Variants in SLC16A14 observed in about 807,000 individuals in gnomAD.
The protein encoded by SLC16A14 is monocarboxylate transporter 14.
A neutral mutation model predicts 35.8 loss-of-function variants in SLC16A14; 14 were observed. The observed-to-expected ratio is 0.39, with a 90% CI of 0.26 to 0.61. The LOEUF (loss-of-function observed/expected upper bound fraction) is 0.61, where lower values mean the gene tolerates loss of function less well. Ranked by LOEUF, SLC16A14 falls within the 20% of genes least tolerant of loss-of-function variation. The probability of loss-of-function intolerance (pLI) is 0.51; values close to 1 mark genes in which losing one functional copy is unlikely to be tolerated. For missense variants in SLC16A14, 533 were observed against 655.0 expected (o/e 0.81, Z 2.03); for synonymous variants, 248 against 258.9 (o/e 0.96, Z 0.40).
Position 230,046,523 on chromosome 2 carries a change from G to C in SLC16A14, c.603C>G (p.Asn201Lys). The C allele has an allele frequency of 6.2e-7, 1 of 1,614,208 alleles. No individual in the cohort carries two copies. ...AMLIQGAVSL[N>K]LCVCGALMRP... is the part of the protein sequence containing the mutation. Reference sequence around the variant, plus strand: ...TCATGAGCGCCCCACAAACACACAGGTTTAGGGAAACGGCACCTTGGATCA... The same window carrying C: ...TCATGAGCGCCCCACAAACACACAGCTTTAGGGAAACGGCACCTTGGATCA... Residue 201 changes from asparagine (N) to lysine (K), a missense_variant, in exon 4 of 5, where the codon AAC becomes AAG. Physicochemically the swap from Asn to Lys is moderately conservative, Grantham distance 94. Transcript: ENST00000295190. The surrounding 1 kb of genome is among the most constrained non-coding windows in gnomAD (Gnocchi z 5.0).
chr2:230,049,282 G>T (rs1211308036), intron 3 of SLC16A14, among the ~76,000 whole-genome samples: 1 of 145,284 alleles, frequency 6.9e-6, no homozygotes, highest in African/African-American at 2.5e-5. Flanking sequence ...GTTTCACCAT[G>T]TTGGCCAGGC....
chr2:230,056,911 T>C (rs1026294896), intron 2 of SLC16A14, among the ~76,000 whole-genome samples: 2 of 145,654 alleles, frequency 1.4e-5, no homozygotes, highest in Non-Finnish European at 3.0e-5. Flanking sequence ...AAGAGTTGAA[T>C]GCCAGCCAAG....
intron 2 of SLC16A14, among the ~76,000 whole-genome samples, chr2:230,052,058 T>A (rs534714481): frequency 6.6e-6 from 1 of 151,924 alleles, no homozygotes; most frequent in East Asian, 1.9e-4. Context: ...TGCCTCAGCC[T>A]CCCGTGTAGC....
rs2106237055 is a variant in SLC16A14 at position 230,037,400 on chromosome 2, T to C, written c.1513A>G (p.Met505Val). The C allele has an allele frequency of 3.7e-6, 6 of 1,608,748 alleles. No individual in the cohort carries two copies. The highest frequency in any genetic ancestry group is 4.2e-6 in the Non-Finnish European group (5 of 1,178,620). The change falls in exon 5 of 5, where the codon ATG becomes GTG. Residue 505 changes from methionine (M) to valine (V), a missense_variant. Coordinates refer to ENST00000295190, the MANE Select transcript of SLC16A14 (RefSeq NM_152527.5). ...RIIEQSRRKY[M>V]DGAHV is the part of the protein sequence containing the mutation. ...TGATACTAAACATGTGCACCATCCA[T>C]GTATTTTCTTCTGGATTGTTCTATA...
Position 230,067,556 on chromosome 2 carries a change from CTCT to C in SLC16A14, c.-15+996_-15+998del, listed in dbSNP as rs1560485363. Among the ~76,000 whole-genome samples the C allele has an allele frequency of 2.5e-3, 378 of 148,790 alleles. 5 individuals are homozygous for C. The Middle Eastern group carries it at 0.027, about 11-fold the overall frequency. On this transcript the variant is annotated intron_variant, in intron 1 of 4. Coordinates refer to ENST00000295190, the MANE Select transcript of SLC16A14 (RefSeq NM_152527.5). ...CTCTTCTCTCTCTCTCTCTCTCTCTCTCTCTCTCTCTCTCTCACACACACACAC... is the reference window on the plus strand; with the variant it reads ...CTCTTCTCTCTCTCTCTCTCTCTCTCCTCTCTCTCTCTCACACACACACAC...
At chr2:230,060,213 T>C (rs2077740596) in intron 1 of SLC16A14, among the ~76,000 whole-genome samples, 1 of 152,102 alleles carries the variant, frequency 6.6e-6, no homozygotes, top group South Asian at 2.1e-4. Flanking sequence ...ATAAGGAGCT[T>C]GTAGTTTATC....
chr2:230,046,108 T>G lies in SLC16A14; in HGVS notation c.1018A>C (p.Ile340Leu). The change falls in exon 4 of 5, where the codon ATC becomes CTC. Residue 340 changes from isoleucine (I) to leucine (L), a missense_variant. Ile to Leu is a conservative substitution (Grantham distance 5, BLOSUM62 2). Coordinates refer to ENST00000295190, the MANE Select transcript of SLC16A14 (RefSeq NM_152527.5). The surrounding 1 kb of genome is among the most constrained non-coding windows in gnomAD (Gnocchi z 5.0). ...FVIPFIHLPE[I>L]VNLYNLSEQN... ...TCCGATAAGTTATACAAATTGACGA[T>G]TTCTGGGAGGTGAATGAAGGGGATG... 1 of 1,614,018 alleles carries G rather than the reference T, an allele frequency of 6.2e-7. No individual in the cohort carries two copies. The highest frequency in any genetic ancestry group is 8.5e-7 in the Non-Finnish European group (1 of 1,179,860).
intron 1 of SLC16A14, among the ~76,000 whole-genome samples, chr2:230,064,825 A>G (rs533454592): frequency 6.6e-6 from 1 of 152,262 alleles, no homozygotes; most frequent in Admixed American, 6.5e-5. Flanking sequence ...AGCCTGACCA[A>G]CATGGAGAAA....
chr2:230,067,565 T>TCACA lies in SLC16A14; in HGVS notation c.-15+989_-15+990insTGTG, dbSNP rs1477437559. Among the ~76,000 whole-genome samples, 334 of 42,580 alleles carry TCACA rather than the reference T, an allele frequency of 7.8e-3. 1 individual carries two copies. Among genetic ancestry groups the TCACA allele is most frequent in the African/African-American group, 0.018 (313 of 17,514 alleles). The allele number at this position is 42,580 out of a possible 152,430, so 27.9% of individuals were successfully genotyped here. A position where few individuals can be genotyped will look rare whatever the true frequency, so the allele number is the denominator to read the frequency against. Reference sequence around the variant, plus strand: ...CTCTCTCTCTCTCTCTCTCTCTCTCTCTCTCTCACACACACACACACAGCC... The same window carrying TCACA: ...CTCTCTCTCTCTCTCTCTCTCTCTCTCACACTCTCTCACACACACACACACAGCC... On this transcript the variant is annotated intron_variant, in intron 1 of 4. Transcript: ENST00000295190.
At position 230,049,851 on chromosome 2, in the gene SLC16A14, T is replaced by C. The variant is rs747965315; in HGVS notation, c.313A>G (p.Ile105Val). 6.2e-7 allele frequency: 1 copy of C among 1,614,114 alleles called. No individual in the cohort carries two copies. Among genetic ancestry groups the C allele is most frequent in the Non-Finnish European group, 8.5e-7 (1 of 1,180,016 alleles). ...NTCGCRQTAI[I>V]GGLVNSLGWV... is the part of the protein sequence containing the mutation. ...CCCAGGGAGTTGACGAGCCCTCCAATGATCGCAGTCTGGCGGCACCCACAG... is the reference window on the plus strand; with the variant it reads ...CCCAGGGAGTTGACGAGCCCTCCAACGATCGCAGTCTGGCGGCACCCACAG... The change falls in exon 3 of 5, where the codon ATT becomes GTT. Residue 105 changes from isoleucine (I) to valine (V), a missense_variant. Ile to Val is a conservative substitution (Grantham distance 29). Coordinates refer to ENST00000295190, the MANE Select transcript of SLC16A14 (RefSeq NM_152527.5).
chr2:230,064,788 A>G (rs773830059), intron 1 of SLC16A14, among the ~76,000 whole-genome samples: 1 of 152,198 alleles, frequency 6.6e-6, no homozygotes, highest in Non-Finnish European at 1.5e-5. Flanking sequence ...AGGTAGGCGG[A>G]TCACCTGAGG....
chr2:230,045,703 A>G, intron 4 of SLC16A14, 42 bp downstream of exon 4: 1 of 1,610,662 alleles, frequency 6.2e-7, no homozygotes, highest in Non-Finnish European at 8.5e-7. Context: ...AACGCACCAT[A>G]TGTACATGCA....
At chr2:230,057,633 A>G (rs890830997) in intron 2 of SLC16A14, among the ~76,000 whole-genome samples, 2 of 152,050 alleles carry the variant, frequency 1.3e-5, no homozygotes, top group African/African-American at 4.8e-5. Flanking sequence ...ACAAGAATAT[A>G]TTGTTATTCC....
chr2:230,042,674 C>A (rs998705311), intron 4 of SLC16A14, among the ~76,000 whole-genome samples: 3 of 152,198 alleles, frequency 2.0e-5, no homozygotes, highest in African/African-American at 4.8e-5. Context: ...TAGCAGGCAC[C>A]ATTGGCGGAC....
chr2:230,036,081 T>A lies in SLC16A14; in HGVS notation c.*1299A>T, dbSNP rs2077516710. ...TCAAGGATTTGTGTGTGTGTGATGA[T>A]CAAATTGTGAGTAGAAATTTAAATA... On this transcript the variant is annotated 3_prime_UTR_variant, in exon 5 of 5. Coordinates refer to ENST00000295190, the MANE Select transcript of SLC16A14 (RefSeq NM_152527.5). 2 of 152,742 alleles carry A rather than the reference T, an allele frequency of 1.3e-5. No individual in the cohort carries two copies. Among genetic ancestry groups the A allele is most frequent in the South Asian group, 4.1e-4 (2 of 4,826 alleles). 9.5% of individuals were successfully genotyped at this position (152,742 alleles called of 1,614,324 possible).
At position 230,046,842 on chromosome 2, in the gene SLC16A14, A is replaced by C; in HGVS notation, c.404-120T>G. 1 of 1,191,564 alleles carries C rather than the reference A, an allele frequency of 8.4e-7. No individual in the cohort carries two copies. Among genetic ancestry groups the C allele is most frequent in the Non-Finnish European group, 1.1e-6 (1 of 877,796 alleles). The allele number at this position is 1,191,564 out of a possible 1,614,324, so 73.8% of individuals were successfully genotyped here. ...GCATCTATTTATGCTTTTTATTTCT[A>C]ACAAAGCAATAACACTGATTATTTA... On this transcript the variant is annotated intron_variant, in intron 3 of 4. Coordinates refer to ENST00000295190, the MANE Select transcript of SLC16A14 (RefSeq NM_152527.5). This position sits in a 1 kb window ranked among gnomAD's most constrained non-coding sequence, Gnocchi z 5.0.
At chr2:230,051,218 T>C (rs1350617001) in intron 2 of SLC16A14, among the ~76,000 whole-genome samples, 2 of 152,184 alleles carry the variant, frequency 1.3e-5, no homozygotes, top group Non-Finnish European at 2.9e-5. Context: ...TAGAGTTCAG[T>C]GGTGTGATCA....
intron 4 of SLC16A14, among the ~76,000 whole-genome samples, chr2:230,042,351 G>A (rs1402643157): frequency 6.6e-6 from 1 of 152,218 alleles, no homozygotes. Context: ...GAATGCAGAT[G>A]AGTGGACAGC....
intron 2 of SLC16A14, among the ~76,000 whole-genome samples, chr2:230,055,256 G>A (rs1179642189): frequency 6.6e-6 from 1 of 152,142 alleles, no homozygotes; most frequent in African/African-American, 2.4e-5. Context: ...GTGGCATGCA[G>A]TGCGTGCTAA....
Sources: gnomAD v4.1 joint callset for allele counts (sites outside exome capture counted in the v4.1 genomes callset) on GRCh38, gnomAD v4.1.1 for gene constraint, Gnocchi (gnomAD v3.1) non-coding constraint, MANE v1.5 for transcripts, NCBI Gene and HGNC (gene_info 2026-07-23, HGNC 2026-07-21) for gene names.